FLT1: variants seen among roughly 807,000 people sequenced by gnomAD.
The protein encoded by FLT1 is fms related receptor tyrosine kinase 1.
In FLT1, 49 loss-of-function variants were observed where a neutral mutation model predicts 156.3. The observed-to-expected ratio is 0.31, with a 90% CI of 0.25 to 0.40. The LOEUF is 0.40. Among genes scored for constraint, FLT1 ranks in the 10% least tolerant of loss-of-function variants. FLT1 has a pLI of 1.00. For synonymous variants in FLT1, 594 were observed against 583.8 expected (o/e 1.02, Z -0.25); for missense variants, 1,322 against 1,637.2 (o/e 0.81, Z 3.32).
At chr13:28,459,854 A>C (rs1388293068) in intron 3 of FLT1, among the ~76,000 whole-genome samples, 1 of 152,262 alleles carries the variant, frequency 6.6e-6, no homozygotes, top group African/African-American at 2.4e-5. Context: ...CTCTCTGCCC[A>C]ACACAGTGCT....
At chr13:28,457,935 T>TTTTC (rs1379781632) in intron 3 of FLT1, among the ~76,000 whole-genome samples, 10 of 137,920 alleles carry the variant, frequency 7.3e-5, no homozygotes, top group African/African-American at 2.7e-4. Context: ...TTCCTTTTCT[T>TTTTC]TTTTTTTTTT....
intron 11 of FLT1, among the ~76,000 whole-genome samples, chr13:28,403,190 A>AG (rs1319888802): frequency 2.0e-5 from 3 of 152,104 alleles, no homozygotes; most frequent in Non-Finnish European, 4.4e-5. Context: ...ACTCAAGCTG[A>AG]GAGAGGTGAG....
Position 28,345,435 on chromosome 13 carries a change from A to G in FLT1, c.2355+10T>C, listed in dbSNP as rs1454265552. On this transcript the variant is annotated intron_variant, in intron 16 of 29. Coordinates refer to ENST00000282397, the MANE Select transcript of FLT1 (RefSeq NM_002019.4). ...TAAAAAGGAGCATAGAACATCACCT[A>G]TGTTCTTACCCTTTTCATTTTTCGG... The G allele has an allele frequency of 3.3e-6, 5 of 1,536,764 alleles. No homozygotes were observed. The highest frequency in any genetic ancestry group is 4.5e-5 in the East Asian group (2 of 44,416).
chr13:28,421,237 T>A (rs560298976), intron 10 of FLT1, among the ~76,000 whole-genome samples: 1 of 152,304 alleles, frequency 6.6e-6, no homozygotes, highest in East Asian at 1.9e-4. Flanking sequence ...TGCAAGCGGT[T>A]CCTTGAGAGT....
intron 28 of FLT1, chr13:28,308,462 A>G: frequency 3.1e-6 from 1 of 326,808 alleles, no homozygotes; most frequent in South Asian, 2.8e-5. Flanking sequence ...TCCCAGCCTC[A>G]AGGCTGCTTG....
chr13:28,425,402 G>A (rs1006751589), intron 10 of FLT1, among the ~76,000 whole-genome samples: 11 of 152,086 alleles, frequency 7.2e-5, no homozygotes, highest in South Asian at 2.1e-4. Context: ...AGGCCTTGGC[G>A]AACTTATTCC....
chr13:28,366,967 A>G (rs1199058745), intron 14 of FLT1, among the ~76,000 whole-genome samples: 1 of 152,224 alleles, frequency 6.6e-6, no homozygotes, highest in Non-Finnish European at 1.5e-5. Flanking sequence ...AGGCCGATAG[A>G]CAGCTGACCT....
At chr13:28,331,003 C>T (rs1271878115) in intron 18 of FLT1, among the ~76,000 whole-genome samples, 10 of 152,270 alleles carry the variant, frequency 6.6e-5, no homozygotes, top group Non-Finnish European at 1.2e-4. Flanking sequence ...AGGTTAACCA[C>T]GTTAATGGTG....
At chr13:28,388,830 G>A (rs1171612617) in intron 13 of FLT1, 2 of 1,061,536 alleles carry the variant, frequency 1.9e-6, no homozygotes, top group African/African-American at 3.3e-5. Flanking sequence ...ATTTTAACAT[G>A]ATGAAGTTCC....
At chr13:28,410,182 C>T (rs1876069658) in intron 10 of FLT1, among the ~76,000 whole-genome samples, 1 of 152,172 alleles carries the variant, frequency 6.6e-6, no homozygotes, top group Non-Finnish European at 1.5e-5. Context: ...AGATTTTCTT[C>T]ACTCCTCCTG....
intron 26 of FLT1, 100 bp downstream of exon 26, chr13:28,311,893 A>G: frequency 9.3e-7 from 1 of 1,071,518 alleles, no homozygotes; most frequent in South Asian, 1.3e-5. Context: ...TAAACTTCTG[A>G]TCTCAGCTAT....
chr13:28,376,003 T>C (rs939467668), intron 14 of FLT1, among the ~76,000 whole-genome samples: 1 of 152,258 alleles, frequency 6.6e-6, no homozygotes, highest in Non-Finnish European at 1.5e-5. Context: ...TCTAGTAGCC[T>C]GAGCGTGACA....
At chr13:28,458,924 G>A (rs997260566) in intron 3 of FLT1, among the ~76,000 whole-genome samples, 8 of 152,088 alleles carry the variant, frequency 5.3e-5, no homozygotes, top group Non-Finnish European at 1.0e-4. Context: ...TATTTCCCAA[G>A]AAAAAAACTG....
chr13:28,303,191 G>T lies in FLT1; in HGVS notation c.3993C>A (p.Val1331=). 1.2e-6 allele frequency: 2 copies of T among 1,611,702 alleles called. No individual in the cohort carries two copies. The change falls in exon 30 of 30, where the codon GTC becomes GTA. Residue 1331 remains valine, a synonymous_variant. Coordinates refer to ENST00000282397, the MANE Select transcript of FLT1 (RefSeq NM_002019.4). ...TCTAGATGGGTGGGGTGGAGTACAG[G>T]ACCACCGAGTTGTAGTCTGGGGGCG... The part of the protein sequence containing the change: ...CSPPPDYNSV[V]LYSTPPI
chr13:28,308,709 A>G (rs112109113), intron 28 of FLT1, 134 bp downstream of exon 28: 18 of 716,352 alleles, frequency 2.5e-5, no homozygotes, highest in African/African-American at 1.7e-4. Context: ...TCCTCCCCAC[A>G]CTGTCATTTC....
At chr13:28,422,136 A>G (rs1211502775) in intron 10 of FLT1, among the ~76,000 whole-genome samples, 2 of 152,264 alleles carry the variant, frequency 1.3e-5, no homozygotes, top group African/African-American at 2.4e-5. Context: ...TGTGATGAGC[A>G]GATGGTTGAC....
At chr13:28,385,584 T>G in intron 13 of FLT1, 4 of 1,015,100 alleles carry the variant, frequency 3.9e-6, no homozygotes, top group Non-Finnish European at 4.7e-6. Context: ...GTTCTTTCCT[T>G]TCTCCATTCC....
At chr13:28,372,046 G>GTATA (rs1873599241) in intron 14 of FLT1, among the ~76,000 whole-genome samples, 19 of 56,804 alleles carry the variant, frequency 3.3e-4, no homozygotes, top group African/African-American at 1.6e-3. Context: ...GTGTGTGTGT[G>GTATA]TGTATATATA....
At chr13:28,390,498 C>T (rs533581113) in intron 12 of FLT1, among the ~76,000 whole-genome samples, 1 of 152,184 alleles carries the variant, frequency 6.6e-6, no homozygotes, top group African/African-American at 2.4e-5. Flanking sequence ...AGGGTTCAAG[C>T]GATTCTCCTG....
Sources: allele counts gnomAD v4.1 joint callset (sites outside exome capture counted in the v4.1 genomes callset), GRCh38; gene constraint gnomAD v4.1.1; transcripts MANE v1.5; gene names NCBI Gene and HGNC (gene_info 2026-07-23, HGNC 2026-07-21).